Variants in NME5 observed in about 807,000 individuals in gnomAD.
NME5 encodes the protein NME/NM23 family member 5, also known as nucleoside diphosphate kinase 5.
NME5 carries 18 observed loss-of-function variants against 21.6 expected under a neutral mutation model. The observed-to-expected ratio is 0.83, with a 90% CI of 0.58 to 1.24. The LOEUF (loss-of-function observed/expected upper bound fraction) is 1.24, where lower values mean the gene tolerates loss of function less well. NME5 is among the 50% of genes most tolerant of loss of function. The pLI is 0.00. For synonymous variants in NME5, 70 were observed against 80.6 expected (o/e 0.87, Z 0.71); for missense variants, 223 against 255.4 (o/e 0.87, Z 0.86).
Position 138,118,911 on chromosome 5 carries a change from TC to T in NME5, c.461del (p.Gly154AspfsTer8), listed in dbSNP as rs772847377. The T allele has an allele frequency of 2.2e-5, 36 of 1,610,674 alleles. No homozygotes were observed. The highest frequency in any genetic ancestry group is 2.9e-5 in the Non-Finnish European group (34 of 1,177,020). ...PEVIVEPIPIGQAAKDYLNLH... is the reference protein window; with the variant it reads ...PEVIVEPIPIXQAAKDYLNLH... ...AATTTAAATAGTCCTTAGCAGCTTGTCCAATTGGAATGGGCTCAACAATCAC... is the reference window on the plus strand; with the variant it reads ...AATTTAAATAGTCCTTAGCAGCTTGTCAATTGGAATGGGCTCAACAATCAC... On this transcript the variant is annotated frameshift_variant, in exon 5 of 6. Coordinates refer to ENST00000265191, the MANE Select transcript of NME5 (RefSeq NM_003551.3). LOFTEE classifies it high-confidence loss of function.
intron 4 of NME5, among the ~76,000 whole-genome samples, chr5:138,128,240 A>G (rs1056316747): frequency 6.6e-6 from 1 of 152,200 alleles, no homozygotes; most frequent in African/African-American, 2.4e-5. Flanking sequence ...AAAAATAGAT[A>G]AATAAATAAA....
chr5:138,126,030 C>T (rs1244114407), intron 4 of NME5, among the ~76,000 whole-genome samples: 1 of 152,136 alleles, frequency 6.6e-6, no homozygotes, highest in African/African-American at 2.4e-5. Flanking sequence ...AGTAAGAGGA[C>T]GCTCATACCA....
chr5:138,136,447 T>G (rs1423428990), intron 2 of NME5, among the ~76,000 whole-genome samples: 1 of 152,230 alleles, frequency 6.6e-6, no homozygotes, highest in South Asian at 2.1e-4. Context: ...TTTCCTTTTC[T>G]GTGACCATCC....
At chr5:138,133,889 C>T (rs902315311) in intron 2 of NME5, among the ~76,000 whole-genome samples, 2 of 151,988 alleles carry the variant, frequency 1.3e-5, no homozygotes, top group African/African-American at 4.8e-5. Context: ...TGAAAAGGTT[C>T]TAGAAATGGA....
intron 2 of NME5, among the ~76,000 whole-genome samples, chr5:138,137,000 C>CAA (rs201169427): frequency 1.9e-4 from 26 of 135,454 alleles, no homozygotes; most frequent in South Asian, 7.2e-4. Context: ...TAAGTCATAA[C>CAA]AAAAAAAAAA....
At position 138,138,769 on chromosome 5, in the gene NME5, T is replaced by C; in HGVS notation, c.12A>G (p.Ser4=). MEI[S]MPPPQIYVEK... The stretch of plus-strand genomic sequence containing the variant: ...CTACATATATCTGAGGTGGAGGCAT[T>C]GATATCTCCATTATGGCTTTTCAGG... The change falls in exon 2 of 6, where the codon TCA becomes TCG. Residue 4 remains serine, a synonymous_variant. Coordinates refer to ENST00000265191, the MANE Select transcript of NME5 (RefSeq NM_003551.3). The C allele has an allele frequency of 6.2e-7, 1 of 1,610,292 alleles. No homozygotes were observed. The highest frequency in any genetic ancestry group is 8.5e-7 in the Non-Finnish European group (1 of 1,179,088).
intron 2 of NME5, among the ~76,000 whole-genome samples, chr5:138,137,941 GTTGCAGTGAGCCGAGA>G (rs1751741305): frequency 6.6e-6 from 1 of 151,862 alleles, no homozygotes; most frequent in African/African-American, 2.4e-5. Flanking sequence ...GAAGGCAGAG[GTTGCAGTGAGCCGAGA>G]TCGTACCACT....
At chr5:138,122,623 TA>T (rs1414512099) in intron 4 of NME5, among the ~76,000 whole-genome samples, 1 of 151,790 alleles carries the variant, frequency 6.6e-6, no homozygotes, top group East Asian at 1.9e-4. Flanking sequence ...TCATATATTA[TA>T]TAAAGTTCAT....
intron 5 of NME5, among the ~76,000 whole-genome samples, chr5:138,117,198 C>T (rs72801678): frequency 0.21 from 25,734 of 124,918 alleles, 2,882 homozygotes; most frequent in African/African-American, 0.26. Flanking sequence ...AACAAAGACC[C>T]TGTCTCAAAA....
intron 5 of NME5, 68 bp from the exon 6 acceptor site, chr5:138,115,832 TC>T (rs1200528953): frequency 9.8e-7 from 1 of 1,023,820 alleles, no homozygotes; most frequent in Admixed American, 2.6e-5. Flanking sequence ...ATATACTATA[TC>T]AATTGGAAAC....
intron 2 of NME5, among the ~76,000 whole-genome samples, chr5:138,135,755 G>A (rs558578667): frequency 9.9e-5 from 15 of 152,258 alleles, no homozygotes; most frequent in African/African-American, 3.6e-4. Context: ...AGACAAAAAG[G>A]TATATACTGA....
intron 4 of NME5, among the ~76,000 whole-genome samples, chr5:138,127,247 T>C (rs1332073244): frequency 6.6e-6 from 1 of 152,120 alleles, no homozygotes; most frequent in Non-Finnish European, 1.5e-5. Flanking sequence ...TGTCAGCCCA[T>C]TGTCAGGTCA....
chr5:138,119,340 G>C (rs1014433096), intron 4 of NME5, among the ~76,000 whole-genome samples: 3 of 151,818 alleles, frequency 2.0e-5, no homozygotes, highest in African/African-American at 7.3e-5. Flanking sequence ...TAAGTAGACA[G>C]GAGTGTGCCA....
chr5:138,135,936 T>G (rs1751688650), intron 2 of NME5, among the ~76,000 whole-genome samples: 1 of 152,202 alleles, frequency 6.6e-6, no homozygotes, highest in African/African-American at 2.4e-5. Context: ...TTTGTGTTTT[T>G]TTTGCTATTT....
In NME5 at chr5:138,138,684, T is replaced by G; in HGVS notation, c.97A>C (p.Ile33Leu). 1 of 1,612,648 alleles carries G rather than the reference T, an allele frequency of 6.2e-7. No homozygotes were observed. Among genetic ancestry groups the G allele is most frequent in the South Asian group, 1.1e-5 (1 of 90,884 alleles). ...ATGGTGAATCCGGATCTAAGAATAA[T>G]ATCTTGTATCTCCTCCTCTTTGTCA... is the stretch of plus-strand genomic sequence containing the variant. ...IVDKEEEIQD[I>L]ILRSGFTIVQ... Residue 33 changes from isoleucine (I) to leucine (L), a missense_variant, in exon 2 of 6, where the codon ATT becomes CTT. Coordinates refer to ENST00000265191, the MANE Select transcript of NME5 (RefSeq NM_003551.3).
At chr5:138,116,776 A>G (rs1310073360) in intron 5 of NME5, 1 of 153,764 alleles carries the variant, frequency 6.5e-6, no homozygotes, top group Non-Finnish European at 1.5e-5. Context: ...GGACTTGGAG[A>G]AAGAACAGTC....
At chr5:138,132,943 T>G (rs1751602718) in intron 2 of NME5, among the ~76,000 whole-genome samples, 3 of 151,980 alleles carry the variant, frequency 2.0e-5, no homozygotes, top group South Asian at 2.1e-4. Flanking sequence ...TATTAGCGTT[T>G]TTTTTTTTTG....
At chr5:138,137,420 C>T (rs540136305) in intron 2 of NME5, among the ~76,000 whole-genome samples, 101 of 152,006 alleles carry the variant, frequency 6.6e-4, no homozygotes, top group African/African-American at 2.3e-3. Context: ...TGAGTTCAAG[C>T]GATTCTCCTG....
chr5:138,128,603 T>C (rs930340523), intron 3 of NME5, 24 bp from the exon 4 acceptor site: 2 of 1,521,842 alleles, frequency 1.3e-6, no homozygotes, highest in Non-Finnish European at 1.8e-6. Context: ...AGAGATGACG[T>C]CCATCCAATC....
Sources: gnomAD v4.1 joint callset for allele counts (sites outside exome capture counted in the v4.1 genomes callset) on GRCh38, gnomAD v4.1.1 for gene constraint, MANE v1.5 for transcripts, NCBI Gene and HGNC (gene_info 2026-07-23, HGNC 2026-07-21) for gene names.